Variants in FBXO36 observed in about 807,000 individuals in gnomAD.
The protein encoded by FBXO36 is F-box protein 36.
In FBXO36, 18 loss-of-function variants were observed where a neutral mutation model predicts 17.0. The ratio of observed to expected loss-of-function variants is 1.06; its 90% CI spans 0.73 to 1.57. FBXO36 has a LOEUF of 1.57. FBXO36 is among the 40% of genes most tolerant of loss of function. FBXO36 has a pLI of 0.00. For missense variants in FBXO36, 229 were observed against 221.9 expected (o/e 1.03, Z -0.20); for synonymous variants, 83 against 85.3 (o/e 0.97, Z 0.15).
chr2:229,944,518 G>T (rs1224098026), intron 1 of FBXO36, among the ~76,000 whole-genome samples: 1 of 151,216 alleles, frequency 6.6e-6, no homozygotes, highest in Non-Finnish European at 1.5e-5. Flanking sequence ...TGTAGACTTT[G>T]TTATTACTTT....
chr2:229,971,732 A>G (rs1279804316), intron 1 of FBXO36, among the ~76,000 whole-genome samples: 1 of 151,812 alleles, frequency 6.6e-6, no homozygotes, highest in Non-Finnish European at 1.5e-5. Context: ...TTTTTCACCC[A>G]TGCTAGAGTG....
At chr2:229,967,488 C>T (rs1449088861) in intron 1 of FBXO36, among the ~76,000 whole-genome samples, 2 of 152,146 alleles carry the variant, frequency 1.3e-5, no homozygotes, top group Admixed American at 1.3e-4. Flanking sequence ...AGTTTTTGCC[C>T]ATTCAGTATG....
intron 1 of FBXO36, among the ~76,000 whole-genome samples, chr2:229,948,062 G>T (rs1327020665): frequency 2.0e-5 from 3 of 151,884 alleles, no homozygotes; most frequent in Non-Finnish European, 4.4e-5. Context: ...ACTTTGGGAG[G>T]CCAAGACAGA....
At chr2:229,977,543 C>G (rs1194535819) in intron 2 of FBXO36, among the ~76,000 whole-genome samples, 1 of 152,124 alleles carries the variant, frequency 6.6e-6, no homozygotes, top group Admixed American at 6.6e-5. Flanking sequence ...CTCTACCTCC[C>G]AGGTTCAAGT....
chr2:229,956,000 C>G (rs1335286520), intron 1 of FBXO36, among the ~76,000 whole-genome samples: 1 of 152,194 alleles, frequency 6.6e-6, no homozygotes, highest in African/African-American at 2.4e-5. Context: ...CACCACAATC[C>G]TAATTAACCT....
At chr2:229,977,439 GTTTTGTT>G (rs564569298) in intron 2 of FBXO36, among the ~76,000 whole-genome samples, 5 of 151,904 alleles carry the variant, frequency 3.3e-5, no homozygotes, top group East Asian at 1.9e-4. Context: ...AGACAGAATG[GTTTTGTT>G]TTTTGTTTTT....
At chr2:230,005,247 G>T (rs1184456475) in intron 3 of FBXO36, among the ~76,000 whole-genome samples, 1 of 151,992 alleles carries the variant, frequency 6.6e-6, no homozygotes, top group Non-Finnish European at 1.5e-5. Flanking sequence ...GACTACAGGT[G>T]CACACCACGA....
intron 1 of FBXO36, among the ~76,000 whole-genome samples, chr2:229,962,504 T>TTTTATTTTAC (rs2077127949): frequency 1.2e-5 from 1 of 83,792 alleles, no homozygotes; most frequent in Non-Finnish European, 2.5e-5. Flanking sequence ...TTGATTTTTA[T>TTTTATTTTAC]TTTATTTTAT....
At chr2:229,975,001 A>C (rs1341736452) in intron 1 of FBXO36, among the ~76,000 whole-genome samples, 1 of 152,140 alleles carries the variant, frequency 6.6e-6, no homozygotes, top group Admixed American at 6.6e-5. Flanking sequence ...TTGTCATCTT[A>C]ATTACCTACC....
intron 1 of FBXO36, among the ~76,000 whole-genome samples, chr2:229,939,609 T>C (rs2076986514): frequency 6.6e-6 from 1 of 151,882 alleles, no homozygotes; most frequent in Non-Finnish European, 1.5e-5. Flanking sequence ...CGATTCTGCC[T>C]CAAAAAAAGA....
intron 1 of FBXO36, among the ~76,000 whole-genome samples, chr2:229,945,940 T>G (rs556904665): frequency 3.3e-5 from 5 of 151,634 alleles, no homozygotes; most frequent in Non-Finnish European, 7.4e-5. Flanking sequence ...GAGAGTCCCT[T>G]GAACCCGGGA....
At position 230,010,576 on chromosome 2, in the gene FBXO36, C is replaced by T. The variant is rs369621624; in HGVS notation, c.379-120C>T. The stretch of plus-strand genomic sequence containing the variant: ...TGTTTTCCTCAAAGAGGAGGTTTCT[C>T]AAGGCAGGACCTGTGTCTGGCACAG... On this transcript the variant is annotated intron_variant, in intron 3 of 3. Coordinates refer to ENST00000283946, the MANE Select transcript of FBXO36 (RefSeq NM_174899.5). 648 of 860,240 alleles carry T rather than the reference C, an allele frequency of 7.5e-4. 9 individuals carry two copies. The South Asian group carries it at 0.014, about 19-fold the overall frequency. The allele number at this position is 860,240 out of a possible 1,614,324, so 53.3% of individuals were successfully genotyped here.
chr2:229,982,533 A>G (rs567211786), intron 2 of FBXO36, among the ~76,000 whole-genome samples: 1 of 152,166 alleles, frequency 6.6e-6, no homozygotes, highest in Non-Finnish European at 1.5e-5. Context: ...TTGGCTGGGC[A>G]CAGTGGCTCA....
intron 3 of FBXO36, among the ~76,000 whole-genome samples, chr2:230,006,359 G>C (rs2077387031): frequency 6.6e-6 from 1 of 152,162 alleles, no homozygotes; most frequent in Admixed American, 6.5e-5. Context: ...GCCTCCCAAA[G>C]TGCTGGGATT....
chr2:229,988,954 T>G (rs1467965449), intron 2 of FBXO36, among the ~76,000 whole-genome samples: 1 of 151,914 alleles, frequency 6.6e-6, no homozygotes, highest in Non-Finnish European at 1.5e-5. Context: ...CATATAATAT[T>G]TCTTTATATG....
At chr2:229,935,915 C>T (rs574899455) in intron 1 of FBXO36, among the ~76,000 whole-genome samples, 1 of 152,244 alleles carries the variant, frequency 6.6e-6, no homozygotes, top group South Asian at 2.1e-4. Context: ...AGGCCAGGTG[C>T]GGTGGCTCAC....
intron 1 of FBXO36, among the ~76,000 whole-genome samples, chr2:229,972,328 G>A (rs1218237092): frequency 6.6e-6 from 1 of 152,004 alleles, no homozygotes; most frequent in African/African-American, 2.4e-5. Context: ...ACAATTACTA[G>A]TAATTAGGAA....
At chr2:229,923,010 GA>G in intron 1 of FBXO36, 1 of 174,440 alleles carries the variant, frequency 5.7e-6, no homozygotes. Flanking sequence ...CTAGGGAGGG[GA>G]AAAGGAGATT....
intron 1 of FBXO36, among the ~76,000 whole-genome samples, chr2:229,966,342 T>G (rs1168145188): frequency 2.0e-5 from 3 of 152,346 alleles, no homozygotes; most frequent in African/African-American, 7.2e-5. Flanking sequence ...CTGTTCACTC[T>G]GATGGTAGTT....
Sources: allele counts gnomAD v4.1 joint callset (sites outside exome capture counted in the v4.1 genomes callset), GRCh38; gene constraint gnomAD v4.1.1; transcripts MANE v1.5; gene names NCBI Gene and HGNC (gene_info 2026-07-23, HGNC 2026-07-21).